Variants in CDH22 observed in about 807,000 individuals in gnomAD.
CDH22 encodes the protein cadherin 22, also known as cadherin-22.
A neutral mutation model predicts 58.4 loss-of-function variants in CDH22; 30 were observed. The ratio of observed to expected loss-of-function variants is 0.51; its 90% CI spans 0.38 to 0.70. The LOEUF (loss-of-function observed/expected upper bound fraction) is 0.70. Among genes scored for constraint, CDH22 ranks in the 30% least tolerant of loss-of-function variants. The probability of loss-of-function intolerance (pLI) is 0.00; values close to 1 mark genes in which losing one functional copy is unlikely to be tolerated. For missense variants in CDH22, 1,014 were observed against 1,233.9 expected (o/e 0.82, Z 2.67); for synonymous variants, 513 against 558.2 (o/e 0.92, Z 1.14).
At chr20:46,247,113 C>T (rs570167712) in intron 2 of CDH22, among the ~76,000 whole-genome samples, 10 of 151,982 alleles carry the variant, frequency 6.6e-5, no homozygotes, top group South Asian at 2.1e-4. Context: ...GGATTTGGGG[C>T]GGGAGTTCAC....
At chr20:46,178,586 C>CTT (rs33937889) in intron 10 of CDH22, among the ~76,000 whole-genome samples, 1,024 of 95,286 alleles carry the variant, frequency 0.011, 35 homozygotes, top group African/African-American at 0.022. Context: ...CTGGCGTTGT[C>CTT]TTTTTTTTTT....
rs1389010903 is a variant in CDH22, at chr20:46,183,627, T to A, written c.1663+2961A>T. 1.3e-5 allele frequency among the ~76,000 whole-genome samples: 2 copies of A among 152,160 alleles called. 1 individual carries two copies. Among genetic ancestry groups the A allele is most frequent in the Non-Finnish European group, 2.9e-5 (2 of 68,040 alleles). ...TTATTATTTTTAAAGAGATGGGTTT[T>A]CACTGTGTTGTCCAGGCTATTCTCA... is the stretch of plus-strand genomic sequence containing the variant. On this transcript the variant is annotated intron_variant, in intron 10 of 11. Transcript: ENST00000537909.
intron 10 of CDH22, among the ~76,000 whole-genome samples, chr20:46,183,179 A>G (rs966408894): frequency 1.3e-5 from 2 of 152,178 alleles, no homozygotes; most frequent in African/African-American, 4.8e-5. Flanking sequence ...ACTGGTTGTT[A>G]AAATATTGAA....
At chr20:46,224,541 T>C (rs1029276669) in intron 4 of CDH22, among the ~76,000 whole-genome samples, 4 of 152,214 alleles carry the variant, frequency 2.6e-5, no homozygotes, top group African/African-American at 9.6e-5. Flanking sequence ...TTTCCCTGTT[T>C]TCGCTCATCT....
chr20:46,274,048 C>T (rs978080790), intron 1 of CDH22, among the ~76,000 whole-genome samples: 3 of 152,228 alleles, frequency 2.0e-5, no homozygotes, highest in Non-Finnish European at 4.4e-5. Context: ...GTTTAAAACG[C>T]TTTCTCCTCT....
chr20:46,229,828 C>T (rs2086206775), intron 3 of CDH22, among the ~76,000 whole-genome samples: 1 of 152,054 alleles, frequency 6.6e-6, no homozygotes, highest in Admixed American at 6.5e-5. Context: ...GAGAGAGGGT[C>T]TCCCTGTCAC....
intron 3 of CDH22, among the ~76,000 whole-genome samples, chr20:46,229,382 C>T (rs887520399): frequency 1.3e-5 from 2 of 151,076 alleles, no homozygotes; most frequent in Non-Finnish European, 2.9e-5. Context: ...GGAATTTGAA[C>T]CCGGGACTCT....
In CDH22 at chr20:46,292,655, T is replaced by C. The variant is rs187411608; in HGVS notation, c.-400+15600A>G. ...TCTCCAGAACCCACTCTCCTCAATC[T>C]GCCATTCACCTTCAAGCAGCCAACA... is the stretch of plus-strand genomic sequence containing the variant. On this transcript the variant is annotated intron_variant, in intron 1 of 11. Coordinates refer to ENST00000537909, the MANE Select transcript of CDH22 (RefSeq NM_021248.3). Among the ~76,000 whole-genome samples the C allele has an allele frequency of 1.8e-3, 267 of 152,258 alleles. 4 individuals carry two copies. Among genetic ancestry groups the C allele is most frequent in the Non-Finnish European group, 1.9e-4 (13 of 68,018 alleles).
chr20:46,282,779 C>T (rs2086556936), intron 1 of CDH22, among the ~76,000 whole-genome samples: 1 of 152,086 alleles, frequency 6.6e-6, no homozygotes, highest in Admixed American at 6.5e-5. Flanking sequence ...TGGGTGATTG[C>T]CCCTCCCCCA....
Position 46,174,472 on chromosome 20 carries a change from G to T in CDH22, c.*34C>A. ...TGGGGCCCCGGCGTGTGCTGGGCGG[G>T]TGAGCAGCCGCGCCCCGACGGCAGG... On this transcript the variant is annotated 3_prime_UTR_variant, in exon 12 of 12. Transcript: ENST00000537909. The surrounding 1 kb of genome is among the most constrained non-coding windows in gnomAD (Gnocchi z 4.4). 2 of 1,391,456 alleles carry T rather than the reference G, an allele frequency of 1.4e-6. No homozygotes were observed. Among genetic ancestry groups the T allele is most frequent in the Non-Finnish European group, 1.9e-6 (2 of 1,066,580 alleles). 86.2% of individuals were successfully genotyped at this position (1,391,456 alleles called of 1,614,324 possible). A position where few individuals can be genotyped will look rare whatever the true frequency, so the allele number is the denominator to read the frequency against.
intron 3 of CDH22, among the ~76,000 whole-genome samples, chr20:46,236,958 G>A (rs1346400773): frequency 1.3e-5 from 2 of 152,174 alleles, no homozygotes; most frequent in African/African-American, 4.8e-5. Flanking sequence ...CTCCCAAAGT[G>A]CGAGGATTAC....
At chr20:46,193,047 A>G (rs573716526) in intron 8 of CDH22, among the ~76,000 whole-genome samples, 17 of 152,104 alleles carry the variant, frequency 1.1e-4, no homozygotes, top group African/African-American at 3.4e-4. Flanking sequence ...TCCTCCAAGG[A>G]AGGGGTGGGG....
At chr20:46,180,878 T>C (rs1239191111) in intron 10 of CDH22, among the ~76,000 whole-genome samples, 1 of 151,936 alleles carries the variant, frequency 6.6e-6, no homozygotes, top group Non-Finnish European at 1.5e-5. Context: ...GGACTACAGG[T>C]ATGCACCACC....
chr20:46,278,455 C>A (rs1600725038), intron 1 of CDH22, among the ~76,000 whole-genome samples: 1 of 152,222 alleles, frequency 6.6e-6, no homozygotes, highest in East Asian at 1.9e-4. Flanking sequence ...GCCACCCCAG[C>A]CACCAATGTC....
chr20:46,177,283 A>G (rs2425768), intron 11 of CDH22, among the ~76,000 whole-genome samples: 152,170 of 152,354 alleles, frequency 1, 75,995 homozygotes, highest in Middle Eastern at 1. Flanking sequence ...TTACAGCTGT[A>G]ACAGGTGGCA....
intron 4 of CDH22, among the ~76,000 whole-genome samples, chr20:46,222,458 C>G (rs1346506151): frequency 6.6e-6 from 1 of 152,234 alleles, no homozygotes; most frequent in East Asian, 1.9e-4. Flanking sequence ...TTAGAAGGTG[C>G]TCAACAAATG....
chr20:46,201,692 G>T (rs1486840328), intron 7 of CDH22, among the ~76,000 whole-genome samples: 1 of 152,192 alleles, frequency 6.6e-6, no homozygotes, highest in Non-Finnish European at 1.5e-5. Flanking sequence ...ATGTGCCTAT[G>T]GGTGTAGTGG....
At chr20:46,258,428 C>T (rs556798467) in intron 1 of CDH22, among the ~76,000 whole-genome samples, 4 of 152,288 alleles carry the variant, frequency 2.6e-5, no homozygotes, top group African/African-American at 7.2e-5. Flanking sequence ...CCTGCACCCC[C>T]TCCTCTACTC....
At chr20:46,284,332 AGCCCT>A (rs2086566449) in intron 1 of CDH22, among the ~76,000 whole-genome samples, 2 of 152,206 alleles carry the variant, frequency 1.3e-5, no homozygotes, top group Non-Finnish European at 2.9e-5. Context: ...CCTGCTCCTA[AGCCCT>A]GGCTGGAAGA....
Sources: gnomAD v4.1 joint callset for allele counts (sites outside exome capture counted in the v4.1 genomes callset) on GRCh38, gnomAD v4.1.1 for gene constraint, Gnocchi (gnomAD v3.1) non-coding constraint, MANE v1.5 for transcripts, NCBI Gene and HGNC (gene_info 2026-07-23, HGNC 2026-07-21) for gene names.